The following EMC8 variants were observed in gnomAD, a reference collection of about 807,000 sequenced individuals.
EMC8 encodes ER membrane protein complex subunit 8.
A neutral mutation model predicts 24.3 loss-of-function variants in EMC8; 11 were observed. The ratio of observed to expected loss-of-function variants is 0.45; its 90% CI spans 0.28 to 0.75. The LOEUF (loss-of-function observed/expected upper bound fraction) is 0.75. EMC8 is among the 30% of genes least tolerant of loss of function. The pLI is 0.12. For synonymous variants in EMC8, 145 were observed against 117.7 expected, an observed-to-expected ratio of 1.23 and a Z score of -1.50; for missense variants, 277 against 282.7, an observed-to-expected ratio of 0.98 and a Z score of 0.14.
chr16:85,787,381 C>T (rs111880076), intron 2 of EMC8, among the ~76,000 whole-genome samples: 1 of 152,238 alleles, frequency 6.6e-6, no homozygotes, highest in Non-Finnish European at 1.5e-5. Context: ...AAGCCCCCTG[C>T]AGGGGCCGCT....
Position 85,779,767 on chromosome 16 carries a change from C to G in EMC8, c.574G>C (p.Asp192His). 6.2e-7 allele frequency: 1 copy of G among 1,614,228 alleles called. No homozygotes were observed. The highest frequency in any genetic ancestry group is 8.5e-7 in the Non-Finnish European group (1 of 1,180,028). Residue 192 changes from aspartate (D) to histidine (H), a missense_variant, in exon 5 of 5, where the codon GAC (aspartate) becomes CAC (histidine). Physicochemically the swap from Asp to His is moderately conservative, Grantham distance 81. Coordinates refer to ENST00000253457, the MANE Select transcript of EMC8 (RefSeq NM_006067.5). ...TLVDFDNHLDDIRNDWTNPEI... is the reference protein window; with the variant it reads ...TLVDFDNHLDHIRNDWTNPEI... ...GGGTTTGTCCAGTCATTCCGAATGT[C>G]ATCCAGGTGGTTATCGAAATCCACG...
At position 85,788,447 on chromosome 16, in the gene EMC8, C is replaced by A. The variant is rs565173598; in HGVS notation, c.308+527G>T. Among the ~76,000 whole-genome samples the A allele has an allele frequency of 7.9e-5, 12 of 152,342 alleles. No individual in the cohort carries two copies. The East Asian group carries it at 2.3e-3, about 29-fold the overall frequency. Reference sequence around the variant, plus strand: ...TGTTTTTCTGTTGGGACCAAGATGACGCAGACATATAGAAAAATTCTCAGC... The same window carrying A: ...TGTTTTTCTGTTGGGACCAAGATGAAGCAGACATATAGAAAAATTCTCAGC... On this transcript the variant is annotated intron_variant, in intron 2 of 4. Coordinates refer to ENST00000253457, the MANE Select transcript of EMC8 (RefSeq NM_006067.5).
intron 2 of EMC8, among the ~76,000 whole-genome samples, chr16:85,783,497 G>C (rs1904608346): frequency 6.6e-6 from 1 of 152,124 alleles, no homozygotes; most frequent in South Asian, 2.1e-4. Context: ...AAATTCTCCT[G>C]AACTAAATTT....
intron 1 of EMC8, among the ~76,000 whole-genome samples, chr16:85,798,196 A>T (rs977686698): frequency 5.4e-5 from 7 of 129,188 alleles, no homozygotes; most frequent in Admixed American, 1.1e-4. Flanking sequence ...ATCTCGGCTC[A>T]CTGCAACCTC....
chr16:85,795,405 C>T (rs1905206538), intron 1 of EMC8, among the ~76,000 whole-genome samples: 1 of 152,198 alleles, frequency 6.6e-6, no homozygotes, highest in African/African-American at 2.4e-5. Context: ...GGTTTTCCTC[C>T]CCGTTCCTGG....
intron 4 of EMC8, 32 bp from the exon 5 acceptor site, chr16:85,779,899 A>C (rs745775942): frequency 6.2e-7 from 1 of 1,608,772 alleles, no homozygotes; most frequent in African/African-American, 1.3e-5. Flanking sequence ...GTCAGCATCT[A>C]ACAGTGAAAA....
intron 2 of EMC8, among the ~76,000 whole-genome samples, chr16:85,787,827 G>T (rs1432026863): frequency 6.6e-6 from 1 of 152,170 alleles, no homozygotes; most frequent in Non-Finnish European, 1.5e-5. Flanking sequence ...CCCTCCTAGG[G>T]TAAGATAATT....
At position 85,799,028 on chromosome 16, in the gene EMC8, G is replaced by C; in HGVS notation, c.231+37C>G. 7.1e-7 allele frequency: 1 copy of C among 1,400,148 alleles called. No homozygotes were observed. The highest frequency in any genetic ancestry group is 9.8e-7 in the Non-Finnish European group (1 of 1,022,588). 86.7% of individuals were successfully genotyped at this position (1,400,148 alleles called of 1,614,324 possible). A position where few individuals can be genotyped will look rare whatever the true frequency, so the allele number is the denominator to read the frequency against. On this transcript the variant is annotated intron_variant, in intron 1 of 4. Transcript: ENST00000253457. This position sits in a 1 kb window ranked among gnomAD's most constrained non-coding sequence, Gnocchi z 4.2. ...TCTCTGCTGACTGAGGGGAGGCCAG[G>C]CTGCCTGCAAGGGGAAGGGGCCCTT...
At chr16:85,789,148 C>G in intron 1 of EMC8, 98 bp from the exon 2 acceptor site, 1 of 827,952 alleles carries the variant, frequency 1.2e-6, no homozygotes, top group Non-Finnish European at 2.1e-6. Context: ...TGGGACAAGA[C>G]ATGACAGAAT....
intron 2 of EMC8, chr16:85,787,585 A>G (rs1904810779): frequency 6.6e-6 from 1 of 152,304 alleles, no homozygotes; most frequent in South Asian, 2.1e-4. Context: ...TTCATCAACA[A>G]AGGGAGGCAG....
intron 1 of EMC8, among the ~76,000 whole-genome samples, chr16:85,798,298 T>C (rs1168720262): frequency 6.6e-6 from 1 of 151,698 alleles, no homozygotes; most frequent in Non-Finnish European, 1.5e-5. Context: ...AGTTTTGTAT[T>C]TTTAGTAGAG....
chr16:85,789,020 C>T lies in EMC8; in HGVS notation c.262G>A (p.Val88Met), dbSNP rs1027748374. ...TTAGCTTGATAATAACCAGCAATCA[C>T]GTAGCTATGATCTTTGCACCATGAA... Reference protein sequence around the residue: ...IDSWCKDHSYVIAGYYQANER... With the variant: ...IDSWCKDHSYMIAGYYQANER... The change falls in exon 2 of 5, where the codon GTG (valine) becomes ATG (methionine). Residue 88 changes from valine to methionine, a missense_variant. Val to Met is a conservative substitution (Grantham distance 21, BLOSUM62 1). Coordinates refer to ENST00000253457, the MANE Select transcript of EMC8 (RefSeq NM_006067.5). The T allele has an allele frequency of 1.4e-5, 23 of 1,613,714 alleles. No homozygotes were observed. The highest frequency in any genetic ancestry group is 3.3e-5 in the Admixed American group (2 of 60,004).
intron 2 of EMC8, among the ~76,000 whole-genome samples, chr16:85,787,068 G>A (rs1006134615): frequency 8.5e-5 from 13 of 152,276 alleles, no homozygotes; most frequent in African/African-American, 2.9e-4. Flanking sequence ...TGCCAAGGGT[G>A]CTCCCCACTG....
rs952989232 is a variant in EMC8 at position 85,789,132 on chromosome 16, A to G, written c.232-82T>C. The G allele has an allele frequency of 9.2e-6, 8 of 866,414 alleles. No individual in the cohort carries two copies. In the African/African-American group the frequency reaches 1.3e-4, roughly 14 times the overall value. 53.7% of individuals were successfully genotyped at this position (866,414 alleles called of 1,614,324 possible). On this transcript the variant is annotated intron_variant, in intron 1 of 4. Coordinates refer to ENST00000253457, the MANE Select transcript of EMC8 (RefSeq NM_006067.5). ...CGTAAAAACCACAGATCTCACTGCC[A>G]CATGCTGGGACAAGACATGACAGAA...
At chr16:85,781,139 G>C (rs1409462017) in intron 3 of EMC8, 72 bp downstream of exon 3, 2 of 1,089,894 alleles carry the variant, frequency 1.8e-6, no homozygotes, top group African/African-American at 3.1e-5. Context: ...AAAGGAAACC[G>C]CCGCAGAGCA....
Position 85,788,430 on chromosome 16 carries a change from T to C in EMC8, c.308+544A>G, listed in dbSNP as rs78991346. Among the ~76,000 whole-genome samples, 522 of 152,398 alleles carry C rather than the reference T, an allele frequency of 3.4e-3. 4 individuals are homozygous for C. The highest frequency in any genetic ancestry group is 0.011 in the African/African-American group (465 of 41,594). On this transcript the variant is annotated intron_variant, in intron 2 of 4. Transcript: ENST00000253457. The stretch of plus-strand genomic sequence containing the variant: ...CACCTGAGTGTGTCATCTGTTTTTC[T>C]GTTGGGACCAAGATGACGCAGACAT...
intron 4 of EMC8, 96 bp from the exon 5 acceptor site, chr16:85,779,963 T>C: frequency 1.0e-6 from 1 of 958,132 alleles, no homozygotes; most frequent in Non-Finnish European, 1.6e-6. Flanking sequence ...CACAGTGGTA[T>C]GAACAGAGAT....
chr16:85,779,602 G>T lies in EMC8; in HGVS notation c.*106C>A. The T allele has an allele frequency of 8.3e-7, 1 of 1,205,604 alleles. No homozygotes were observed. The highest frequency in any genetic ancestry group is 1.9e-5 in the Admixed American group (1 of 53,474). The allele number at this position is 1,205,604 out of a possible 1,614,324, so 74.7% of individuals were successfully genotyped here. On this transcript the variant is annotated 3_prime_UTR_variant, in exon 5 of 5. Coordinates refer to ENST00000253457, the MANE Select transcript of EMC8 (RefSeq NM_006067.5). ...CAAGGCACATGCCACTTCTTAAAACGGTCAGCTTTCCACACAGGCTACAAG... is the reference window on the plus strand; with the variant it reads ...CAAGGCACATGCCACTTCTTAAAACTGTCAGCTTTCCACACAGGCTACAAG...
rs766941591 is a variant in EMC8, at chr16:85,799,221, G to C, written c.75C>G (p.Ala25=). ...TCTCGGCCACCAGGAGCCCGTTGAC[G>C]GCGCAGTGCGGGTACTTGGCGCCGT... is the stretch of plus-strand genomic sequence containing the variant. ...VLHGAKYPHC[A]VNGLLVAEKQ... is the part of the protein sequence containing the mutation. The change falls in exon 1 of 5, where the codon GCC becomes GCG. Residue 25 remains alanine (A), a synonymous_variant. Transcript: ENST00000253457. This position sits in a 1 kb window ranked among gnomAD's most constrained non-coding sequence, Gnocchi z 4.2. The C allele has an allele frequency of 1.1e-5, 17 of 1,613,292 alleles. No individual in the cohort carries two copies. The highest frequency in any genetic ancestry group is 4.5e-5 in the East Asian group (2 of 44,878).
Sources: gnomAD v4.1 joint callset for allele counts (sites outside exome capture counted in the v4.1 genomes callset) on GRCh38, gnomAD v4.1.1 for gene constraint, Gnocchi (gnomAD v3.1) non-coding constraint, MANE v1.5 for transcripts, NCBI Gene and HGNC (gene_info 2026-07-23, HGNC 2026-07-21) for gene names.